IL1RAP: variants seen among roughly 807,000 people sequenced by gnomAD.
The protein encoded by IL1RAP is interleukin 1 receptor accessory protein, also known as interleukin-1 receptor accessory protein.
Under a neutral mutation model 60.7 loss-of-function variants are expected in IL1RAP, and 35 were observed. The ratio of observed to expected loss-of-function variants is 0.58; its 90% confidence interval spans 0.44 to 0.76. The LOEUF (loss-of-function observed/expected upper bound fraction) is 0.76. Among genes scored for constraint, IL1RAP ranks in the 30% least tolerant of loss-of-function variants. The pLI, the probability that IL1RAP is intolerant of heterozygous loss-of-function variation, is 0.00. For missense variants in IL1RAP, 572 were observed against 693.9 expected (o/e 0.82, Z 1.97); for synonymous variants, 268 against 250.9 (o/e 1.07, Z -0.64).
chr3:190,519,064 T>C (rs957546865), intron 1 of IL1RAP: 4 of 152,212 alleles, frequency 2.6e-5, no homozygotes, highest in Non-Finnish European at 5.9e-5. Context: ...TCATCCTACA[T>C]CCTCATCCCG....
At chr3:190,572,489 AAGAG>A (rs1318302373) in intron 3 of IL1RAP, among the ~76,000 whole-genome samples, 4 of 152,084 alleles carry the variant, frequency 2.6e-5, no homozygotes, top group South Asian at 4.2e-4. Flanking sequence ...TAGTAGGAAA[AAGAG>A]AGAGAGAGGC....
intron 1 of IL1RAP, among the ~76,000 whole-genome samples, chr3:190,533,679 G>T (rs1390114432): frequency 6.6e-6 from 1 of 152,032 alleles, no homozygotes; most frequent in Admixed American, 6.5e-5. Context: ...AGAGCACGTG[G>T]GAGGTGCACA....
In IL1RAP at chr3:190,609,051, G is replaced by C. The variant is rs776275775; in HGVS notation, c.407G>C (p.Ser136Thr). Residue 136 changes from serine to threonine, a missense_variant, in exon 5 of 12, where the codon AGC becomes ACC. Coordinates refer to ENST00000447382, the MANE Select transcript of IL1RAP (RefSeq NM_002182.4). ...AFPLEVVQKD[S>T]CFNSPMKLPV... is the part of the protein sequence containing the mutation. ...CCCTTGGAAGTTGTTCAAAAAGACA[G>C]CTGTTTCAATTCCCCCATGAAACTC... 1.2e-6 allele frequency: 2 copies of C among 1,613,246 alleles called. No individual in the cohort carries two copies. Among genetic ancestry groups the C allele is most frequent in the Admixed American group, 1.7e-5 (1 of 59,936 alleles).
chr3:190,578,825 G>A (rs538485037), intron 3 of IL1RAP, among the ~76,000 whole-genome samples: 16 of 152,354 alleles, frequency 1.1e-4, no homozygotes, highest in South Asian at 4.1e-4. Context: ...GCCAGAGAGC[G>A]TGTGCAGGGG....
chr3:190,609,543 G>A (rs570854905), intron 5 of IL1RAP, among the ~76,000 whole-genome samples: 1 of 152,266 alleles, frequency 6.6e-6, no homozygotes, highest in African/African-American at 2.4e-5. Flanking sequence ...TGATTAATCA[G>A]TACTGCATTT....
At chr3:190,561,985 A>G (rs931205295) in intron 2 of IL1RAP, among the ~76,000 whole-genome samples, 6 of 152,074 alleles carry the variant, frequency 3.9e-5, no homozygotes, top group African/African-American at 1.2e-4. Flanking sequence ...GTGACTCCCT[A>G]TTTGCTCTTT....
intron 9 of IL1RAP, among the ~76,000 whole-genome samples, chr3:190,639,432 T>A (rs1733483062): frequency 1.3e-5 from 2 of 152,224 alleles, no homozygotes; most frequent in South Asian, 4.1e-4. Flanking sequence ...TTCAGAATTG[T>A]ATCTTTTAGC....
Position 190,564,362 on chromosome 3 carries a change from A to T in IL1RAP, c.64+9A>T, listed in dbSNP as rs1411677334. 1 of 1,593,436 alleles carries T rather than the reference A, an allele frequency of 6.3e-7. No homozygotes were observed. The highest frequency in any genetic ancestry group is 1.1e-5 in the South Asian group (1 of 90,674). On this transcript the variant is annotated intron_variant, in intron 3 of 11. Transcript: ENST00000447382. ...GCAAAGTGATGCCTCAGGTAAGTGA[A>T]TGGCTTTTGACAATGTATTAAAATG...
intron 9 of IL1RAP, among the ~76,000 whole-genome samples, chr3:190,639,626 G>T (rs953529356): frequency 2.2e-4 from 33 of 151,962 alleles, no homozygotes; most frequent in Middle Eastern, 3.4e-3. Flanking sequence ...CTTTTTATTA[G>T]CTAATATAGA....
At chr3:190,644,484 A>C in intron 10 of IL1RAP, 87 bp downstream of exon 10, 1 of 1,084,170 alleles carries the variant, frequency 9.2e-7, no homozygotes. Flanking sequence ...AAACATGTTG[A>C]TTTGAAAAAC....
In IL1RAP at chr3:190,648,836, G is replaced by C. The variant is rs1318860527; in HGVS notation, c.*131G>C. The C allele has an allele frequency of 3.0e-5, 43 of 1,439,022 alleles. No individual in the cohort carries two copies. The East Asian group carries it at 1.0e-3, about 34-fold the overall frequency. The allele number at this position is 1,439,022 out of a possible 1,614,324, so 89.1% of individuals were successfully genotyped here. A position where few individuals can be genotyped will look rare whatever the true frequency, so the allele number is the denominator to read the frequency against. On this transcript the variant is annotated 3_prime_UTR_variant, in exon 12 of 12. Coordinates refer to ENST00000447382, the MANE Select transcript of IL1RAP (RefSeq NM_002182.4). Reference sequence around the variant, plus strand: ...AAGCCTCCCAATAGGGATAAATTTAGGGTGACTGTGTGGCTGACTATTCTG... The same window carrying C: ...AAGCCTCCCAATAGGGATAAATTTACGGTGACTGTGTGGCTGACTATTCTG...
At chr3:190,653,342 A>T (rs1734486766), downstream of IL1RAP, among the ~76,000 whole-genome samples, 1 of 152,244 alleles carries the variant, frequency 6.6e-6, no homozygotes, top group Non-Finnish European at 1.5e-5. Flanking sequence ...TTTGTTTATC[A>T]GCCCTACGAG....
intron 3 of IL1RAP, among the ~76,000 whole-genome samples, chr3:190,586,596 C>T (rs953215944): frequency 7.9e-5 from 12 of 152,194 alleles, no homozygotes; most frequent in Non-Finnish European, 1.5e-4. Context: ...CCTTAAATGC[C>T]TTCCATTGTT....
chr3:190,629,613 A>C, intron 9 of IL1RAP, 115 bp downstream of exon 9: 2 of 1,429,160 alleles, frequency 1.4e-6, no homozygotes, highest in Non-Finnish European at 1.8e-6. Flanking sequence ...GACGGCATCT[A>C]ACCCATAGTA....
intron 6 of IL1RAP, among the ~76,000 whole-genome samples, chr3:190,621,984 A>G (rs543778836): frequency 5.6e-5 from 8 of 143,562 alleles, no homozygotes; most frequent in Non-Finnish European, 1.0e-4. Context: ...ATAAACAAAC[A>G]TTCAACTGGT....
chr3:190,599,329 T>G (rs1198828324), intron 3 of IL1RAP, among the ~76,000 whole-genome samples: 2 of 152,198 alleles, frequency 1.3e-5, no homozygotes, highest in African/African-American at 4.8e-5. Context: ...AGTCTTTACG[T>G]GTCTGCATTT....
In IL1RAP at chr3:190,564,694, T is replaced by G. The variant is rs145222842; in HGVS notation, c.64+341T>G. The G allele has an allele frequency of 7.8e-4, 180 of 232,198 alleles. 5 individuals are homozygous for G. The East Asian group carries it at 0.014, about 19-fold the overall frequency. The allele number at this position is 232,198 out of a possible 1,614,324, so 14.4% of individuals were successfully genotyped here. ...ATGGGAGTGATAATAGCACAATCTG[T>G]TTTTCAAATTTGAGCCAGTGGTGGA... On this transcript the variant is annotated intron_variant, in intron 3 of 11. Transcript: ENST00000447382.
At chr3:190,515,918 G>A (rs988779947) in intron 1 of IL1RAP, among the ~76,000 whole-genome samples, 4 of 151,980 alleles carry the variant, frequency 2.6e-5, no homozygotes, top group Admixed American at 6.6e-5. Context: ...ATTTAAACAC[G>A]AACACACAGA....
chr3:190,584,867 A>T (rs549617367), intron 3 of IL1RAP, among the ~76,000 whole-genome samples: 2 of 152,280 alleles, frequency 1.3e-5, no homozygotes, highest in Non-Finnish European at 2.9e-5. Flanking sequence ...AGGTCTACTC[A>T]GTATGTTTAT....
Sources: allele counts gnomAD v4.1 joint callset (sites outside exome capture counted in the v4.1 genomes callset), GRCh38; gene constraint gnomAD v4.1.1; transcripts MANE v1.5; gene names NCBI Gene and HGNC (gene_info 2026-07-23, HGNC 2026-07-21).